The following DYNC1H1 variants were observed in gnomAD, a reference collection of about 807,000 sequenced individuals.
The protein encoded by DYNC1H1 is cytoplasmic dynein 1 heavy chain 1.
In DYNC1H1, 51 loss-of-function variants were observed where a neutral mutation model predicts 527.1. That is an observed-to-expected ratio of 0.10 (90% CI 0.08 to 0.12). DYNC1H1 has a LOEUF of 0.12. DYNC1H1 is among the 10% of genes least tolerant of loss of function. DYNC1H1 has a pLI of 1.00. For synonymous variants in DYNC1H1, 2,189 were observed against 2,278.8 expected (o/e 0.96, Z 1.12); for missense variants, 2,771 against 5,971.8 (o/e 0.46, Z 17.66).
chr14:102,049,950 CCAG>C lies in DYNC1H1; in HGVS notation c.13684+69_13684+71del. 6.6e-7 allele frequency: 1 copy of C among 1,525,938 alleles called. No individual in the cohort carries two copies. Among genetic ancestry groups the C allele is most frequent in the Non-Finnish European group, 8.8e-7 (1 of 1,141,834 alleles). The allele number at this position is 1,525,938 out of a possible 1,614,324, so 94.5% of individuals were successfully genotyped here. On this transcript the variant is annotated intron_variant, in intron 76 of 77. Transcript: ENST00000360184. The surrounding 1 kb of genome is among the most constrained non-coding windows in gnomAD (Gnocchi z 5.5). ...CCTCGGTGGCCTGAGACCATTGTTCCCAGATACATGCACTTAGGGTGACCGGCT... is the reference window on the plus strand; with the variant it reads ...CCTCGGTGGCCTGAGACCATTGTTCCATACATGCACTTAGGGTGACCGGCT...
At position 102,016,999 on chromosome 14, in the gene DYNC1H1, G is replaced by A; in HGVS notation, c.7848G>A (p.Glu2616=). The change falls in exon 38 of 78, where the codon GAG becomes GAA. Residue 2616 remains glutamate, a splice_region_variant and synonymous_variant. Transcript: ENST00000360184. The surrounding 1 kb of genome is among the most constrained non-coding windows in gnomAD (Gnocchi z 7.3). ...FSALRALPDM[E]VVGLNFSSAT... ...CCCTCCGGGCCTTGCCTGACATGGA[G>A]GTAAAGAGGCCAGGAGGTGGGCAGC... 1 of 1,614,262 alleles carries A rather than the reference G, an allele frequency of 6.2e-7. No homozygotes were observed. Among genetic ancestry groups the A allele is most frequent in the Non-Finnish European group, 8.5e-7 (1 of 1,180,046 alleles).
Position 101,997,215 on chromosome 14 carries a change from G to A in DYNC1H1, c.3745G>A (p.Ala1249Thr), listed in dbSNP as rs2141282710. ...AATGAAGATTGTCCAGGAGGATCGG[G>A]CCGTGGAAAGCCGCACCACCGACCT... ...LQMKIVQEDR[A>T]VESRTTDLLT... The change falls in exon 16 of 78, where the codon GCC becomes ACC. Residue 1249 changes from alanine to threonine, a missense_variant. Transcript: ENST00000360184. The surrounding 1 kb of genome is among the most constrained non-coding windows in gnomAD (Gnocchi z 4.8). 6.2e-6 allele frequency: 10 copies of A among 1,613,970 alleles called. No homozygotes were observed. The highest frequency in any genetic ancestry group is 8.5e-6 in the Non-Finnish European group (10 of 1,179,986).
rs756018920 is a variant in DYNC1H1, at chr14:101,983,393, A to G, written c.1245A>G (p.Ala415=). The change falls in exon 7 of 78, where the codon GCA becomes GCG. Residue 415 remains alanine, a synonymous_variant. Transcript: ENST00000360184. This position sits in a 1 kb window ranked among gnomAD's most constrained non-coding sequence, Gnocchi z 5.3. ...AYEEFEKVMV[A]CFEVFQTWDD... Reference sequence around the variant, plus strand: ...AAATTATATCCTAGGTTATGGTAGCATGCTTTGAAGTTTTTCAGACTTGGG... The same window carrying G: ...AAATTATATCCTAGGTTATGGTAGCGTGCTTTGAAGTTTTTCAGACTTGGG... 3.1e-6 allele frequency: 5 copies of G among 1,614,214 alleles called. No homozygotes were observed. The highest frequency in any genetic ancestry group is 4.5e-5 in the East Asian group (2 of 44,890).
At chr14:102,043,338 A>G (rs1415754013) in intron 69 of DYNC1H1, 3 of 217,824 alleles carry the variant, frequency 1.4e-5, no homozygotes, top group African/African-American at 2.4e-5. Context: ...CTGTCTCTAT[A>G]TAAAATTTCC....
intron 69 of DYNC1H1, chr14:102,043,020 G>A (rs1372018386): frequency 1.5e-5 from 7 of 463,264 alleles, no homozygotes; most frequent in East Asian, 4.5e-5. Flanking sequence ...GGTGGCTCAC[G>A]CCTGTAATCC....
At chr14:101,994,650 T>TTAACTGTGTTCTTCA in intron 12 of DYNC1H1, 23 bp from the exon 13 acceptor site, 1 of 1,613,678 alleles carries the variant, frequency 6.2e-7, no homozygotes, top group Non-Finnish European at 8.5e-7. Context: ...AAACTATTAT[T>TTAACTGTGTTCTTCA]TAACTGTGTT....
intron 29 of DYNC1H1, 61 bp from the exon 30 acceptor site, chr14:102,009,782 G>A: frequency 6.2e-7 from 1 of 1,608,338 alleles, no homozygotes; most frequent in East Asian, 2.2e-5. Context: ...AGACATTTTA[G>A]AATGCATTTT....
intron 51 of DYNC1H1, 93 bp from the exon 52 acceptor site, chr14:102,032,179 G>A: frequency 3.4e-6 from 5 of 1,488,234 alleles, no homozygotes; most frequent in Non-Finnish European, 4.7e-6. Flanking sequence ...TCTCATTGGA[G>A]TTGGAGCTCC....
chr14:102,015,164 C>T lies in DYNC1H1; in HGVS notation c.7074C>T (p.Arg2358=). Reference sequence around the variant, plus strand: ...ACGCGACCTTGGCCACAGTGTCGCGCTGCGGCATGGTCTGGTTCAGTGAGG... The same window carrying T: ...ACGCGACCTTGGCCACAGTGTCGCGTTGCGGCATGGTCTGGTTCAGTGAGG... ...LKYATLATVS[R]CGMVWFSEDV... Residue 2358 remains arginine, a synonymous_variant, in exon 35 of 78, where the codon CGC becomes CGT. Transcript: ENST00000360184. The surrounding 1 kb of genome is among the most constrained non-coding windows in gnomAD (Gnocchi z 6.9). 1 of 1,614,236 alleles carries T rather than the reference C, an allele frequency of 6.2e-7. No individual in the cohort carries two copies. The highest frequency in any genetic ancestry group is 1.1e-5 in the South Asian group (1 of 91,086).
At chr14:102,024,149 A>G (rs574424124) in intron 43 of DYNC1H1, among the ~76,000 whole-genome samples, 2 of 152,348 alleles carry the variant, frequency 1.3e-5, no homozygotes, top group South Asian at 4.1e-4. Context: ...TTTGCTTCAC[A>G]AATTTGTTTT....
chr14:102,034,317 C>T lies in DYNC1H1; in HGVS notation c.10627-8C>T. 6.2e-7 allele frequency: 1 copy of T among 1,614,220 alleles called. No individual in the cohort carries two copies. The highest frequency in any genetic ancestry group is 8.5e-7 in the Non-Finnish European group (1 of 1,180,056). On this transcript the variant is annotated splice_region_variant and splice_polypyrimidine_tract_variant and intron_variant, in intron 55 of 77. Transcript: ENST00000360184. ...AAGAGGAGGAAAGGTAACGGCCTTG[C>T]CTTTCAGTTCCGTACAGATATTGCC... is the stretch of plus-strand genomic sequence containing the variant.
intron 72 of DYNC1H1, among the ~76,000 whole-genome samples, chr14:102,046,587 TGG>T (rs1344986218): frequency 2.0e-5 from 3 of 152,280 alleles, no homozygotes; most frequent in Non-Finnish European, 2.9e-5. Context: ...CCCAGCCACA[TGG>T]TGGCAGTCAC....
Position 102,005,375 on chromosome 14 carries a change from G to T in DYNC1H1, c.5433+139G>T, listed in dbSNP as rs997911475. 1 of 1,236,262 alleles carries T rather than the reference G, an allele frequency of 8.1e-7. No individual in the cohort carries two copies. The highest frequency in any genetic ancestry group is 1.2e-6 in the Non-Finnish European group (1 of 851,368). The allele number at this position is 1,236,262 out of a possible 1,614,324, so 76.6% of individuals were successfully genotyped here. A position where few individuals can be genotyped will look rare whatever the true frequency, so the allele number is the denominator to read the frequency against. ...GGATGGTGTATGGATATCCTCTGAG[G>T]GTGGGCATTTGGCTCCCTGTCCCTG... is the stretch of plus-strand genomic sequence containing the variant. On this transcript the variant is annotated intron_variant, in intron 26 of 77. Coordinates refer to ENST00000360184, the MANE Select transcript of DYNC1H1 (RefSeq NM_001376.5). The surrounding 1 kb of genome is among the most constrained non-coding windows in gnomAD (Gnocchi z 4.0).
chr14:102,041,734 G>GGTAAT lies in DYNC1H1; in HGVS notation c.12102+3_12102+7dup, dbSNP rs1326798407. The GGTAAT allele has an allele frequency of 4.3e-6, 7 of 1,613,940 alleles. No individual in the cohort carries two copies. The African/African-American group carries it at 8.0e-5, about 18-fold the overall frequency. On this transcript the variant is annotated frameshift_variant and splice_region_variant. Transcript: ENST00000360184. LOFTEE classifies it high-confidence loss of function. The surrounding 1 kb of genome is among the most constrained non-coding windows in gnomAD (Gnocchi z 4.5). ...ACCTGACCCACATTGTGGGCACAGA[G>GGTAAT]GTAATGTCCTGGTACAGCCCGGGCT...
chr14:101,982,558 C>G (rs2047880267), intron 5 of DYNC1H1, among the ~76,000 whole-genome samples: 1 of 152,034 alleles, frequency 6.6e-6, no homozygotes, highest in Non-Finnish European at 1.5e-5. Context: ...CCCCACTGCA[C>G]TCCAGCTTGG....
chr14:101,979,457 T>A lies in DYNC1H1; in HGVS notation c.483T>A (p.Phe161Leu). The A allele has an allele frequency of 1.9e-6, 3 of 1,614,204 alleles. No individual in the cohort carries two copies. The highest frequency in any genetic ancestry group is 2.7e-5 in the African/African-American group (2 of 75,050). ...TTAGCAATGCAGTGGCTCCTTTTTT[T>A]AAGTCCTACATTAGAGAGTCTGGCA... ...SFISNAVAPF[F>L]KSYIRESGKA... Residue 161 changes from phenylalanine (F) to leucine (L), a missense_variant, in exon 3 of 78, where the codon TTT (phenylalanine) becomes TTA (leucine). Physicochemically the swap from Phe to Leu is conservative, Grantham distance 22. Around this residue, in one of 32 missense-constraint regions of DYNC1H1, gnomAD observed 146 missense variants for 288.1 expected, o/e 0.51. Coordinates refer to ENST00000360184, the MANE Select transcript of DYNC1H1 (RefSeq NM_001376.5). The surrounding 1 kb of genome is among the most constrained non-coding windows in gnomAD (Gnocchi z 4.6).
intron 2 of DYNC1H1, among the ~76,000 whole-genome samples, chr14:101,977,008 C>T (rs904472038): frequency 6.6e-6 from 1 of 152,116 alleles, no homozygotes; most frequent in African/African-American, 2.4e-5. Flanking sequence ...AGCAAGTTAA[C>T]GTTTGCGGAT....
Position 101,966,410 on chromosome 14 carries a change from TA to T in DYNC1H1, c.256+1475del, listed in dbSNP as rs71468379. Among the ~76,000 whole-genome samples, 763 of 146,224 alleles carry T rather than the reference TA, an allele frequency of 5.2e-3. 7 individuals carry two copies. Among genetic ancestry groups the T allele is most frequent in the African/African-American group, 0.017 (681 of 40,252 alleles). On this transcript the variant is annotated intron_variant, in intron 1 of 77. Coordinates refer to ENST00000360184, the MANE Select transcript of DYNC1H1 (RefSeq NM_001376.5). ...ATTCCTAAGTGGAAGCCACAAAAGT[TA>T]AAAAAAAAAAATTTATCTACTCTTT...
At chr14:101,977,821 C>T (rs1011503032) in intron 2 of DYNC1H1, among the ~76,000 whole-genome samples, 3 of 152,344 alleles carry the variant, frequency 2.0e-5, no homozygotes, top group South Asian at 4.1e-4. Context: ...ACTATTGTGA[C>T]TTCATTCTTT....
Sources: allele counts gnomAD v4.1 joint callset (sites outside exome capture counted in the v4.1 genomes callset), GRCh38; gene constraint gnomAD v4.1.1; regional missense constraint gnomAD v4.1.1; non-coding constraint Gnocchi (gnomAD v3.1); transcripts MANE v1.5; gene names NCBI Gene and HGNC (gene_info 2026-07-23, HGNC 2026-07-21).